Variants in L3MBTL4 observed in about 807,000 individuals in gnomAD.
L3MBTL4 encodes the protein L3MBTL histone methyl-lysine binding protein 4, also known as lethal(3)malignant brain tumor-like protein 4.
L3MBTL4 carries 70 observed loss-of-function variants against 84.5 expected under a neutral mutation model. That is an observed-to-expected ratio of 0.83 (90% CI 0.68 to 1.01). The LOEUF (loss-of-function observed/expected upper bound fraction) is 1.01, where lower values mean the gene tolerates loss of function less well. Among genes scored for constraint, L3MBTL4 ranks in the 50% least tolerant of loss-of-function variants. L3MBTL4 has a pLI of 0.00. For missense variants in L3MBTL4, 715 were observed against 754.8 expected (o/e 0.95, Z 0.62); for synonymous variants, 274 against 259.8 (o/e 1.05, Z -0.52).
intron 1 of L3MBTL4, among the ~76,000 whole-genome samples, chr18:6,410,242 T>A (rs1168280090): frequency 6.6e-6 from 1 of 152,192 alleles, no homozygotes; most frequent in Non-Finnish European, 1.5e-5. Context: ...TGAACTTCCT[T>A]TTGCTTCCAT....
intron 1 of L3MBTL4, among the ~76,000 whole-genome samples, chr18:6,393,839 C>T (rs1306344181): frequency 6.6e-6 from 1 of 152,154 alleles, no homozygotes; most frequent in African/African-American, 2.4e-5. Flanking sequence ...TCCCTGTCAA[C>T]CCTCTGCCTG....
intron 15 of L3MBTL4, 67 bp downstream of exon 15, chr18:6,093,288 A>T: frequency 8.0e-7 from 1 of 1,253,010 alleles, no homozygotes; most frequent in South Asian, 1.7e-5. Context: ...ATTACTATTA[A>T]CAAAATTGTT....
At position 6,324,187 on chromosome 18, in the gene L3MBTL4, G is replaced by T. The variant is rs1439633747; in HGVS notation, c.-90-12131C>A. 2.0e-5 allele frequency among the ~76,000 whole-genome samples: 3 copies of T among 152,230 alleles called. No individual in the cohort carries two copies. In the South Asian group the frequency reaches 6.2e-4, roughly 31 times the overall value. On this transcript the variant is annotated intron_variant, in intron 1 of 18. Coordinates refer to ENST00000317931, the MANE Select transcript of L3MBTL4 (RefSeq NM_001330559.2). The stretch of plus-strand genomic sequence containing the variant: ...AGCCTCTACCTAGATTTCAGACAAC[G>T]TATGGAAAAGCCTAGACATTCAGGC...
At position 6,012,792 on chromosome 18, in the gene L3MBTL4, C is replaced by T. The variant is rs747283059; in HGVS notation, c.1445-43230G>A. Among the ~76,000 whole-genome samples the T allele has an allele frequency of 4.6e-5, 7 of 152,152 alleles. No homozygotes were observed. The South Asian group carries it at 1.0e-3, about 23-fold the overall frequency. Reference sequence around the variant, plus strand: ...TGTCTCTAAGAAACAAACAAATAAACGAACAAAAACTCTGTAAGAATCCAT... The same window carrying T: ...TGTCTCTAAGAAACAAACAAATAAATGAACAAAAACTCTGTAAGAATCCAT... On this transcript the variant is annotated intron_variant, in intron 16 of 18. Transcript: ENST00000317931.
chr18:6,078,359 G>A (rs1324655199), intron 16 of L3MBTL4, among the ~76,000 whole-genome samples: 1 of 139,244 alleles, frequency 7.2e-6, no homozygotes, highest in Non-Finnish European at 1.6e-5. Context: ...CCCAGGAAGT[G>A]GAGATTGCAG....
chr18:6,282,761 A>T (rs1203614299), intron 4 of L3MBTL4, among the ~76,000 whole-genome samples: 2 of 152,184 alleles, frequency 1.3e-5, no homozygotes, highest in Non-Finnish European at 2.9e-5. Flanking sequence ...CACCTGGATT[A>T]GGGAGTACCA....
intron 12 of L3MBTL4, among the ~76,000 whole-genome samples, chr18:6,173,496 A>C (rs2044077190): frequency 1.3e-5 from 2 of 152,164 alleles, no homozygotes; most frequent in Admixed American, 1.3e-4. Context: ...GGGGGAACCA[A>C]AGGCAGGGTG....
chr18:6,313,319 A>G (rs556885191), intron 1 of L3MBTL4, among the ~76,000 whole-genome samples: 24 of 152,342 alleles, frequency 1.6e-4, no homozygotes, highest in Admixed American at 6.5e-4. Context: ...CTCGATCCAT[A>G]CATTATCCTT....
Position 6,031,857 on chromosome 18 carries a change from G to C in L3MBTL4, c.1444+49024C>G, listed in dbSNP as rs141606055. 7.4e-4 allele frequency: 728 copies of C among 982,402 alleles called. 3 individuals are homozygous for C. The African/African-American group carries it at 0.011, about 15-fold the overall frequency. The allele number at this position is 982,402 out of a possible 1,614,324, so 60.9% of individuals were successfully genotyped here. On this transcript the variant is annotated intron_variant, in intron 16 of 18. Transcript: ENST00000317931. ...CACAGATTTAGCAGGCACAAGTACA[G>C]TTTTGTTACACAGATATATTGCATA... is the stretch of plus-strand genomic sequence containing the variant.
intron 1 of L3MBTL4, among the ~76,000 whole-genome samples, chr18:6,375,698 T>C (rs1320237744): frequency 6.6e-6 from 1 of 151,978 alleles, no homozygotes. Flanking sequence ...GAGATGACAA[T>C]GGCTTAACTG....
At chr18:5,990,764 CATGTGGGTGT>C (rs2053655128) in intron 16 of L3MBTL4, among the ~76,000 whole-genome samples, 2 of 120,852 alleles carry the variant, frequency 1.7e-5, no homozygotes, top group African/African-American at 9.0e-5. Flanking sequence ...TAGTAGGGTT[CATGTGGGTGT>C]GTGTGTGTGT....
chr18:6,024,126 C>T (rs2055395087), intron 16 of L3MBTL4, among the ~76,000 whole-genome samples: 1 of 152,174 alleles, frequency 6.6e-6, no homozygotes. Context: ...ATCCGCCCGC[C>T]TCAGCCTCCC....
chr18:6,003,130 ATCTCTATTTATAGAGATAC>A (rs2054304251), intron 16 of L3MBTL4, among the ~76,000 whole-genome samples: 1 of 101,880 alleles, frequency 9.8e-6, no homozygotes, highest in Non-Finnish European at 1.9e-5. Context: ...AAAATATAGT[ATCTCTATTTATAGAGATAC>A]TATATAAAAT....
At chr18:6,164,262 C>G (rs768657373) in intron 13 of L3MBTL4, among the ~76,000 whole-genome samples, 8 of 152,220 alleles carry the variant, frequency 5.3e-5, no homozygotes, top group Non-Finnish European at 1.0e-4. Context: ...GGGCAGGGCA[C>G]AGACAAACAA....
rs16949390 is a variant in L3MBTL4, at chr18:6,085,021, C to T, written c.1374-4070G>A. Among the ~76,000 whole-genome samples, 1,563 of 152,116 alleles carry T rather than the reference C, an allele frequency of 0.01. 65 individuals carry two copies. In the East Asian group the frequency reaches 0.11, roughly 11 times the overall value. On this transcript the variant is annotated intron_variant, in intron 15 of 18. Coordinates refer to ENST00000317931, the MANE Select transcript of L3MBTL4 (RefSeq NM_001330559.2). ...ACGCATGTGTGTAGGTTTGGATATG[C>T]GAATTTATTTATTCTCAGTCAAGCA... is the stretch of plus-strand genomic sequence containing the variant.
intron 16 of L3MBTL4, among the ~76,000 whole-genome samples, chr18:6,039,258 G>A (rs2056294657): frequency 6.6e-6 from 1 of 152,020 alleles, no homozygotes; most frequent in Non-Finnish European, 1.5e-5. Flanking sequence ...GGCAGCCTGA[G>A]CTGACTAATA....
intron 1 of L3MBTL4, among the ~76,000 whole-genome samples, chr18:6,387,442 G>A (rs1057308622): frequency 2.9e-4 from 44 of 152,042 alleles, no homozygotes; most frequent in African/African-American, 8.2e-4. Context: ...TCTAGTATGA[G>A]TGAAAGGGAA....
chr18:6,152,651 C>T (rs2042947203), intron 13 of L3MBTL4, among the ~76,000 whole-genome samples: 1 of 152,072 alleles, frequency 6.6e-6, no homozygotes, highest in Non-Finnish European at 1.5e-5. Flanking sequence ...TGGAGATAAC[C>T]CTTTATCAGA....
intron 12 of L3MBTL4, among the ~76,000 whole-genome samples, chr18:6,172,932 T>C (rs1454591087): frequency 6.6e-6 from 1 of 152,140 alleles, no homozygotes; most frequent in Admixed American, 6.5e-5. Context: ...AAACTCCCAA[T>C]ATTTTTTCTC....
Sources: allele counts gnomAD v4.1 joint callset (sites outside exome capture counted in the v4.1 genomes callset), GRCh38; gene constraint gnomAD v4.1.1; transcripts MANE v1.5; gene names NCBI Gene and HGNC (gene_info 2026-07-23, HGNC 2026-07-21).